The following CDK12 variants were observed in gnomAD, a reference collection of about 807,000 sequenced individuals.
The protein encoded by CDK12 is cyclin dependent kinase 12.
Under a neutral mutation model 133.8 loss-of-function variants are expected in CDK12, and 17 were observed. The ratio of observed to expected loss-of-function variants is 0.13; its 90% confidence interval spans 0.09 to 0.19. CDK12 has a LOEUF of 0.19. Among genes scored for constraint, CDK12 ranks in the 10% least tolerant of loss-of-function variants. The pLI, the probability that CDK12 is intolerant of heterozygous loss-of-function variation, is 1.00. For missense variants in CDK12, 1,508 were observed against 1,818.7 expected (o/e 0.83, Z 3.11); for synonymous variants, 694 against 683.6 (o/e 1.02, Z -0.24).
intron 10 of CDK12, 73 bp downstream of exon 10, chr17:39,517,629 G>A: frequency 1.2e-6 from 1 of 844,494 alleles, no homozygotes; most frequent in South Asian, 1.5e-5. Flanking sequence ...TCCTGGTCTG[G>A]GTAGTTAATG....
At chr17:39,537,814 G>A (rs888425147), downstream of CDK12, among the ~76,000 whole-genome samples, 4 of 151,756 alleles carry the variant, frequency 2.6e-5, no homozygotes, top group African/African-American at 4.8e-5. Flanking sequence ...CACCCGCCTC[G>A]GCCTCCCAAA....
downstream of CDK12, among the ~76,000 whole-genome samples, chr17:39,535,799 A>G (rs2055109525): frequency 6.6e-6 from 1 of 152,152 alleles, no homozygotes; most frequent in African/African-American, 2.4e-5. Flanking sequence ...TTCCATTGTT[A>G]TTAAAGATTG....
At chr17:39,485,796 C>G (rs913648993) in intron 2 of CDK12, among the ~76,000 whole-genome samples, 1 of 151,668 alleles carries the variant, frequency 6.6e-6, no homozygotes, top group African/African-American at 2.4e-5. Flanking sequence ...GGGTAGATCA[C>G]TTGAGCCTCG....
At chr17:39,522,213 G>A (rs574218872) in intron 11 of CDK12, among the ~76,000 whole-genome samples, 12 of 151,834 alleles carry the variant, frequency 7.9e-5, no homozygotes, top group South Asian at 2.1e-4. Context: ...TCAGCCTCCC[G>A]AGTAGCTGGG....
At chr17:39,530,426 GTTTTAC>G (rs1317288723) in intron 13 of CDK12, 172 bp from the exon 14 acceptor site, 17 of 828,628 alleles carry the variant, frequency 2.1e-5, no homozygotes, top group Non-Finnish European at 3.0e-5. Flanking sequence ...GGATGCAACT[GTTTTAC>G]TTTTAATCAC....
chr17:39,534,461 T>C lies in CDK12; in HGVS notation c.*3145T>C, dbSNP rs541689959. 1 of 232,626 alleles carries C rather than the reference T, an allele frequency of 4.3e-6. No individual in the cohort carries two copies. The highest frequency in any genetic ancestry group is 2.2e-5 in the African/African-American group (1 of 45,332). The allele number at this position is 232,626 out of a possible 1,614,324, so 14.4% of individuals were successfully genotyped here. A position where few individuals can be genotyped will look rare whatever the true frequency, so the allele number is the denominator to read the frequency against. ...GGTGTATCTTGTCTATGTACAGATA[T>C]TTTGTAATATATTAAATTTTTTTCT... On this transcript the variant is annotated 3_prime_UTR_variant, in exon 14 of 14. Transcript: ENST00000447079.
At chr17:39,542,496 T>C (rs1324381356) in intron 1 of CDK12, among the ~76,000 whole-genome samples, 1 of 137,478 alleles carries the variant, frequency 7.3e-6, no homozygotes, top group Non-Finnish European at 1.6e-5. Context: ...CAGCCTCTTA[T>C]TTTCTTTTTC....
chr17:39,498,435 C>T (rs143035361), intron 5 of CDK12, among the ~76,000 whole-genome samples: 1 of 152,166 alleles, frequency 6.6e-6, no homozygotes, highest in Non-Finnish European at 1.5e-5. Flanking sequence ...GTGGGCCAGG[C>T]TGGTTTCAAA....
chr17:39,550,359 C>T (rs753387713), exon 1 of CDK12: 11 of 152,206 alleles, frequency 7.2e-5, no homozygotes, highest in Admixed American at 1.3e-4. Context: ...AGGATTTCCC[C>T]CCAACTGCCA....
Position 39,550,444 on chromosome 17 carries a change from G to A in CDK12, n.251+3G>A, listed in dbSNP as rs561268225. On this transcript the variant is annotated splice_donor_region_variant and intron_variant and non_coding_transcript_variant, in intron 1 of 3. Coordinates refer to the CDK12 transcript ENST00000558240. The stretch of plus-strand genomic sequence containing the variant: ...CAAAATCACAGCCAGAATATAAGGT[G>A]AGGCTGTTTTCTTGCTCCTGGGGTT... The A allele has an allele frequency of 1.1e-3, 168 of 152,408 alleles. 1 individual carries two copies. The highest frequency in any genetic ancestry group is 3.9e-3 in the African/African-American group (163 of 41,566). 9.4% of individuals were successfully genotyped at this position (152,408 alleles called of 1,614,324 possible).
At chr17:39,497,218 C>T (rs1376079191) in intron 5 of CDK12, among the ~76,000 whole-genome samples, 1 of 152,136 alleles carries the variant, frequency 6.6e-6, no homozygotes, top group Non-Finnish European at 1.5e-5. Flanking sequence ...AAGTGTGAGC[C>T]ACTGTACCCG....
chr17:39,510,982 G>A (rs1182737042), intron 7 of CDK12, among the ~76,000 whole-genome samples: 6 of 141,504 alleles, frequency 4.2e-5, no homozygotes, highest in South Asian at 2.3e-4. Flanking sequence ...TTGGGAGACC[G>A]AGGTGGGTGG....
intron 2 of CDK12, among the ~76,000 whole-genome samples, chr17:39,555,335 CAG>C (rs1473326241): frequency 1.3e-5 from 2 of 152,076 alleles, no homozygotes; most frequent in Non-Finnish European, 2.9e-5. Context: ...GGTTCTGTGA[CAG>C]AGCCTGAGTT....
chr17:39,485,957 C>CT (rs994932445), intron 2 of CDK12, among the ~76,000 whole-genome samples: 1,754 of 142,870 alleles, frequency 0.012, 12 homozygotes, highest in Middle Eastern at 0.026. Context: ...TTTTCTTTTT[C>CT]TTTTTTTTTT....
chr17:39,506,698 T>G (rs895964228), intron 6 of CDK12, among the ~76,000 whole-genome samples: 1 of 151,960 alleles, frequency 6.6e-6, no homozygotes, highest in Admixed American at 6.6e-5. Flanking sequence ...GAAGGAAGTA[T>G]TACGTGAAAG....
intron 2 of CDK12, among the ~76,000 whole-genome samples, chr17:39,485,398 C>T (rs1308436482): frequency 2.1e-5 from 3 of 139,726 alleles, no homozygotes; most frequent in African/African-American, 8.1e-5. Context: ...AGAGCTTAGG[C>T]ATCCCCCCCC....
intron 10 of CDK12, among the ~76,000 whole-genome samples, chr17:39,518,256 C>T (rs574223055): frequency 2.0e-5 from 3 of 151,998 alleles, no homozygotes; most frequent in East Asian, 1.9e-4. Context: ...GGATTATAGG[C>T]GTGAGCCTCT....
chr17:39,494,114 A>G (rs1028846865), intron 4 of CDK12, among the ~76,000 whole-genome samples: 3 of 152,040 alleles, frequency 2.0e-5, no homozygotes, highest in African/African-American at 4.8e-5. Context: ...GTGGAGTGCA[A>G]TGATGCGATC....
At chr17:39,511,695 C>A in intron 8 of CDK12, 65 bp downstream of exon 8, 1 of 1,007,018 alleles carries the variant, frequency 9.9e-7, no homozygotes, top group Non-Finnish European at 1.5e-6. Context: ...ACTTTGTTTT[C>A]TCTGTACACT....
Sources: gnomAD v4.1 joint callset for allele counts (sites outside exome capture counted in the v4.1 genomes callset) on GRCh38, gnomAD v4.1.1 for gene constraint, MANE v1.5 for transcripts, NCBI Gene and HGNC (gene_info 2026-07-23, HGNC 2026-07-21) for gene names.